The following CDH12 variants were observed in gnomAD, a reference collection of about 807,000 sequenced individuals.
CDH12 encodes the protein cadherin 12.
A neutral mutation model predicts 74.1 loss-of-function variants in CDH12; 41 were observed. The ratio of observed to expected loss-of-function variants is 0.55; its 90% CI spans 0.43 to 0.72. The LOEUF is 0.72. Among genes scored for constraint, CDH12 ranks in the 30% least tolerant of loss-of-function variants. The probability of loss-of-function intolerance (pLI) is 0.00; values close to 1 mark genes in which losing one functional copy is unlikely to be tolerated. For missense variants in CDH12, 945 were observed against 977.2 expected (o/e 0.97, Z 0.44); for synonymous variants, 399 against 355.0 (o/e 1.12, Z -1.39).
chr5:21,919,130 A>C (rs554404534), intron 6 of CDH12, among the ~76,000 whole-genome samples: 1 of 152,260 alleles, frequency 6.6e-6, no homozygotes, highest in Non-Finnish European at 1.5e-5. Context: ...GTCTCAAAGT[A>C]TTTACAAATT....
intron 1 of CDH12, among the ~76,000 whole-genome samples, chr5:22,825,883 C>T (rs142451991): frequency 1.3e-5 from 2 of 152,144 alleles, no homozygotes; most frequent in Admixed American, 6.6e-5. Flanking sequence ...ATGGTGGTAA[C>T]TTGAGTCAGT....
intron 9 of CDH12, among the ~76,000 whole-genome samples, chr5:21,815,868 TTTAAA>T (rs1255483552): frequency 1.3e-5 from 2 of 152,158 alleles, no homozygotes; most frequent in Non-Finnish European, 2.9e-5. Flanking sequence ...CAATCTTGTT[TTTAAA>T]TTAATCTTTT....
At chr5:22,671,275 G>A (rs976474002) in intron 1 of CDH12, among the ~76,000 whole-genome samples, 1 of 152,060 alleles carries the variant, frequency 6.6e-6, no homozygotes, top group Non-Finnish European at 1.5e-5. Context: ...GTGTAGAGTA[G>A]TAACCTTCCC....
At chr5:22,803,708 C>T (rs969481318) in intron 1 of CDH12, among the ~76,000 whole-genome samples, 5 of 152,240 alleles carry the variant, frequency 3.3e-5, no homozygotes, top group South Asian at 4.2e-4. Context: ...AATTTATTCT[C>T]CTTTCCCTAC....
chr5:21,871,702 A>G (rs1751632050), intron 6 of CDH12, among the ~76,000 whole-genome samples: 1 of 152,126 alleles, frequency 6.6e-6, no homozygotes, highest in Non-Finnish European at 1.5e-5. Context: ...ACTCCAGCTT[A>G]GGCAACAAGA....
At chr5:22,207,717 A>T (rs539744027) in intron 4 of CDH12, among the ~76,000 whole-genome samples, 1 of 152,320 alleles carries the variant, frequency 6.6e-6, no homozygotes, top group African/African-American at 2.4e-5. Flanking sequence ...CATCCACTTC[A>T]TCTGTGTAAA....
At chr5:22,497,942 C>T (rs931324417) in intron 2 of CDH12, among the ~76,000 whole-genome samples, 2 of 152,056 alleles carry the variant, frequency 1.3e-5, no homozygotes, top group Admixed American at 6.6e-5. Flanking sequence ...CGTGAGCCAC[C>T]GTGCCCAGCT....
At chr5:21,995,616 C>T (rs1736240184) in intron 5 of CDH12, among the ~76,000 whole-genome samples, 1 of 151,740 alleles carries the variant, frequency 6.6e-6, no homozygotes, top group African/African-American at 2.4e-5. Context: ...TCTCCCCACT[C>T]CCCTTTCCCA....
chr5:21,944,565 G>C (rs183152094), intron 6 of CDH12, among the ~76,000 whole-genome samples: 171 of 152,242 alleles, frequency 1.1e-3, no homozygotes, highest in African/African-American at 3.8e-3. Flanking sequence ...CATATATTCT[G>C]TGGTGATTAA....
intron 3 of CDH12, among the ~76,000 whole-genome samples, chr5:22,224,870 TA>T (rs2150371104): frequency 6.6e-6 from 1 of 151,858 alleles, no homozygotes; most frequent in Admixed American, 6.6e-5. Flanking sequence ...TAAAATAACA[TA>T]TTATATATTA....
chr5:21,866,297 T>C (rs187382996), intron 6 of CDH12, among the ~76,000 whole-genome samples: 2 of 152,276 alleles, frequency 1.3e-5, no homozygotes, highest in Admixed American at 6.5e-5. Flanking sequence ...TGGAACTGGG[T>C]AACAAACAGA....
intron 3 of CDH12, among the ~76,000 whole-genome samples, chr5:22,246,158 G>A (rs1231006405): frequency 6.6e-6 from 1 of 151,990 alleles, no homozygotes; most frequent in Non-Finnish European, 1.5e-5. Flanking sequence ...TTACATTTTT[G>A]AAATCCAATT....
intron 1 of CDH12, among the ~76,000 whole-genome samples, chr5:22,715,232 G>A (rs1214461542): frequency 1.3e-5 from 2 of 152,028 alleles, no homozygotes; most frequent in African/African-American, 4.8e-5. Context: ...CATCTCTTTA[G>A]TTACTCTGAA....
intron 10 of CDH12, among the ~76,000 whole-genome samples, chr5:21,786,336 T>C (rs1464750878): frequency 6.6e-6 from 1 of 152,082 alleles, no homozygotes; most frequent in African/African-American, 2.4e-5. Flanking sequence ...GTATTTTTAG[T>C]AGAGATGGGG....
intron 5 of CDH12, among the ~76,000 whole-genome samples, chr5:22,072,403 A>C (rs2150218080): frequency 6.6e-6 from 1 of 152,174 alleles, no homozygotes; most frequent in East Asian, 1.9e-4. Flanking sequence ...TACCACTTCT[A>C]GAAAAATTAA....
intron 1 of CDH12, among the ~76,000 whole-genome samples, chr5:22,585,682 A>T (rs1740359298): frequency 2.0e-5 from 3 of 152,120 alleles, no homozygotes; most frequent in Admixed American, 6.5e-5. Flanking sequence ...AATCAGGAAA[A>T]ACCTGCCCTT....
chr5:22,640,946 G>A (rs1270470122), intron 1 of CDH12, among the ~76,000 whole-genome samples: 1 of 152,186 alleles, frequency 6.6e-6, no homozygotes, highest in African/African-American at 2.4e-5. Context: ...TCCACTTGAA[G>A]TTGTATTAAC....
At chr5:22,392,519 C>T (rs753154257) in intron 3 of CDH12, among the ~76,000 whole-genome samples, 5 of 152,108 alleles carry the variant, frequency 3.3e-5, no homozygotes, top group East Asian at 3.8e-4. Context: ...TATTAACATT[C>T]GTCAGTGCTT....
intron 5 of CDH12, among the ~76,000 whole-genome samples, chr5:22,037,894 C>T (rs62349094): frequency 4.6e-5 from 7 of 152,196 alleles, no homozygotes; most frequent in Admixed American, 3.3e-4. Context: ...ACCTCATTCC[C>T]GAGTCAGGAT....
Sources: gnomAD v4.1 joint callset for allele counts (sites outside exome capture counted in the v4.1 genomes callset) on GRCh38, gnomAD v4.1.1 for gene constraint, MANE v1.5 for transcripts, NCBI Gene and HGNC (gene_info 2026-07-23, HGNC 2026-07-21) for gene names.